HCN3: variants seen among roughly 807,000 people sequenced by gnomAD.
The protein encoded by HCN3 is potassium/sodium hyperpolarization-activated cyclic nucleotide-gated channel 3.
HCN3 carries 36 observed loss-of-function variants against 56.8 expected under a neutral mutation model. The observed-to-expected ratio is 0.63, with a 90% CI of 0.49 to 0.84. HCN3 has a LOEUF of 0.84. HCN3 is among the 40% of genes least tolerant of loss of function. The probability of loss-of-function intolerance (pLI) is 0.00; values close to 1 mark genes in which losing one functional copy is unlikely to be tolerated. For missense variants in HCN3, 930 were observed against 1,079.3 expected (o/e 0.86, Z 1.94); for synonymous variants, 425 against 439.7 (o/e 0.97, Z 0.42).
Position 155,287,903 on chromosome 1 carries a change from GCCCCGAGCA to G in HCN3, c.1767_1775del (p.Pro590_Thr592del). 6.2e-7 allele frequency: 1 copy of G among 1,613,992 alleles called. No individual in the cohort carries two copies. The highest frequency in any genetic ancestry group is 8.5e-7 in the Non-Finnish European group (1 of 1,180,016). On this transcript the variant is annotated inframe_deletion, in exon 8 of 8. Transcript: ENST00000368358. Reference sequence around the variant, plus strand: ...CATGGCTCGGGGTGTTCGGGGTCGGGCCCCGAGCACAGGAGCTCAGCTTAGTGGAAAGCC... The same window carrying G: ...CATGGCTCGGGGTGTTCGGGGTCGGGCAGGAGCTCAGCTTAGTGGAAAGCC...
rs1190446651 is a variant in HCN3, at chr1:155,285,330, T to C, written c.1236+19T>C. 6.2e-7 allele frequency: 1 copy of C among 1,612,762 alleles called. No individual in the cohort carries two copies. The highest frequency in any genetic ancestry group is 8.5e-7 in the Non-Finnish European group (1 of 1,179,232). On this transcript the variant is annotated intron_variant, in intron 5 of 7. Coordinates refer to ENST00000368358, the MANE Select transcript of HCN3 (RefSeq NM_020897.3). The surrounding 1 kb of genome is among the most constrained non-coding windows in gnomAD (Gnocchi z 4.5). ...TCGCGAGGTGGGGCTGGGTTGGGCC[T>C]GGAAGGGGGGCTCTTCAGGGACCTG...
At chr1:155,286,340 T>A (rs144035252) in intron 6 of HCN3, among the ~76,000 whole-genome samples, 3,424 of 152,040 alleles carry the variant, frequency 0.023, 132 homozygotes, top group African/African-American at 0.079. Flanking sequence ...AGAGACGGGG[T>A]TTCACTGTGT....
rs1009962601 is a variant in HCN3 at position 155,284,026 on chromosome 1, T to G, written c.761T>G (p.Leu254Arg). Residue 254 changes from leucine to arginine, a missense_variant, in exon 3 of 8, where the codon CTC (leucine) becomes CGC (arginine). Transcript: ENST00000368358. This position sits in a 1 kb window ranked among gnomAD's most constrained non-coding sequence, Gnocchi z 4.3. ...AGTGCTGTGGTTCGCATCTTCAACCTCATTGGGATGATGCTGCTGCTATGT... is the reference window on the plus strand; with the variant it reads ...AGTGCTGTGGTTCGCATCTTCAACCGCATTGGGATGATGCTGCTGCTATGT... ...LASAVVRIFN[L>R]IGMMLLLCHW... The G allele has an allele frequency of 1.2e-6, 2 of 1,614,020 alleles. No homozygotes were observed. The highest frequency in any genetic ancestry group is 8.5e-7 in the Non-Finnish European group (1 of 1,180,020).
chr1:155,284,509 C>A lies in HCN3; in HGVS notation c.871-30C>A. 1.3e-6 allele frequency: 2 copies of A among 1,589,220 alleles called. No individual in the cohort carries two copies. Among genetic ancestry groups the A allele is most frequent in the Non-Finnish European group, 1.7e-6 (2 of 1,162,596 alleles). ...AGAATGAGGCTCCGAGGGGCCCATG[C>A]CCAGCTCTGCAATATACTCTGCCCC... On this transcript the variant is annotated intron_variant, in intron 3 of 7. Coordinates refer to ENST00000368358, the MANE Select transcript of HCN3 (RefSeq NM_020897.3). The surrounding 1 kb of genome is among the most constrained non-coding windows in gnomAD (Gnocchi z 4.3).
Position 155,287,175 on chromosome 1 carries a change from A to T in HCN3, c.1480A>T (p.Ile494Phe). 6.2e-7 allele frequency: 1 copy of T among 1,612,580 alleles called. No individual in the cohort carries two copies. Among genetic ancestry groups the T allele is most frequent in the Non-Finnish European group, 8.5e-7 (1 of 1,179,912 alleles). ...RLTDGSYFGE[I>F]CLLTRGRRTA... ...AAGCTTCCTCCCAATTTCTGCAGAGATCTGCCTGCTAACTAGGGGCCGGCG... is the reference window on the plus strand; with the variant it reads ...AAGCTTCCTCCCAATTTCTGCAGAGTTCTGCCTGCTAACTAGGGGCCGGCG... The change falls in exon 7 of 8, where the codon ATC (isoleucine) becomes TTC (phenylalanine). Residue 494 changes from isoleucine to phenylalanine, a missense_variant and splice_region_variant. Ile to Phe is a conservative substitution (Grantham distance 21, BLOSUM62 0). Transcript: ENST00000368358.
At position 155,285,706 on chromosome 1, in the gene HCN3, G is replaced by A. The variant is rs1340858659; in HGVS notation, c.1237-18G>A. 2.5e-6 allele frequency: 4 copies of A among 1,613,174 alleles called. No homozygotes were observed. Among genetic ancestry groups the A allele is most frequent in the African/African-American group, 1.3e-5 (1 of 74,924 alleles). On this transcript the variant is annotated intron_variant, in intron 5 of 7. Transcript: ENST00000368358. The surrounding 1 kb of genome is among the most constrained non-coding windows in gnomAD (Gnocchi z 4.5). ...GGTCAGGGGCACAGCCTGCCTGACA[G>A]GCCCCTCCCCTGTCCAGGAGATCAT...
Position 155,288,530 on chromosome 1 carries a change from T to G in HCN3, c.*67T>G, listed in dbSNP as rs1043487365. Reference sequence around the variant, plus strand: ...GTATGTACCCAAGGGCAGATGCCTCTTGGGGAAGGCCATGGGGACCTGAAA... The same window carrying G: ...GTATGTACCCAAGGGCAGATGCCTCGTGGGGAAGGCCATGGGGACCTGAAA... On this transcript the variant is annotated 3_prime_UTR_variant, in exon 8 of 8. Coordinates refer to ENST00000368358, the MANE Select transcript of HCN3 (RefSeq NM_020897.3). This position sits in a 1 kb window ranked among gnomAD's most constrained non-coding sequence, Gnocchi z 6.5. 1 of 1,510,268 alleles carries G rather than the reference T, an allele frequency of 6.6e-7. No homozygotes were observed. 93.6% of individuals were successfully genotyped at this position (1,510,268 alleles called of 1,614,324 possible). A position where few individuals can be genotyped will look rare whatever the true frequency, so the allele number is the denominator to read the frequency against.
chr1:155,287,250 G>A lies in HCN3; in HGVS notation c.1555G>A (p.Val519Met), dbSNP rs1205907844. 7.4e-6 allele frequency: 12 copies of A among 1,614,012 alleles called. No individual in the cohort carries two copies. The highest frequency in any genetic ancestry group is 1.7e-5 in the Admixed American group (1 of 60,004). ...CTACTGCCGCCTTTACTCACTCAGC[G>A]TGGACCATTTCAATGCTGTGCTTGA... is the stretch of plus-strand genomic sequence containing the variant. ...DTYCRLYSLS[V>M]DHFNAVLEEF... is the part of the protein sequence containing the mutation. The change falls in exon 7 of 8, where the codon GTG (valine) becomes ATG (methionine). Residue 519 changes from valine to methionine, a missense_variant. By Grantham distance (21) the Val-to-Met change is conservative (BLOSUM62 1). Coordinates refer to ENST00000368358, the MANE Select transcript of HCN3 (RefSeq NM_020897.3).
Position 155,282,858 on chromosome 1 carries a change from C to T in HCN3, c.708+18C>T, listed in dbSNP as rs199853030. 397 of 295,138 alleles carry T rather than the reference C, an allele frequency of 1.3e-3. 3 individuals carry two copies. The highest frequency in any genetic ancestry group is 0.013 in the African/African-American group (285 of 21,426). The allele number at this position is 295,138 out of a possible 1,614,324, so 18.3% of individuals were successfully genotyped here. A position where few individuals can be genotyped will look rare whatever the true frequency, so the allele number is the denominator to read the frequency against. ...GGGAGGAGGTGGGGTGGGGAGATGG[C>T]GGGCGGGGCAGTGGGTGGGGGATGT... On this transcript the variant is annotated intron_variant, in intron 2 of 7. Transcript: ENST00000368358. The surrounding 1 kb of genome is among the most constrained non-coding windows in gnomAD (Gnocchi z 4.7).
intron 1 of HCN3, among the ~76,000 whole-genome samples, chr1:155,278,731 T>G (rs1253298181): frequency 6.6e-6 from 1 of 152,182 alleles, no homozygotes; most frequent in East Asian, 1.9e-4. Flanking sequence ...TGAATCCACA[T>G]ATATACACAC....
chr1:155,286,031 C>G (rs1294744772), intron 6 of HCN3, 67 bp downstream of exon 6: 1 of 1,521,928 alleles, frequency 6.6e-7, no homozygotes, highest in Non-Finnish European at 8.8e-7. Context: ...TGCTCCCAGG[C>G]TCTGGGTCCC....
At position 155,280,628 on chromosome 1, in the gene HCN3, T is replaced by C. The variant is rs549316954; in HGVS notation, c.279-1783T>C. 3.0e-3 allele frequency among the ~76,000 whole-genome samples: 450 copies of C among 150,306 alleles called. 2 individuals are homozygous for C. Among genetic ancestry groups the C allele is most frequent in the African/African-American group, 8.8e-3 (359 of 40,738 alleles). On this transcript the variant is annotated intron_variant, in intron 1 of 7. Transcript: ENST00000368358. ...ATTTTTTGTATTTTTTTAGTAGAGA[T>C]GGGGTTTCACCGTGTTAGCCAGGAT...
chr1:155,287,628 TC>T (rs1292219876), intron 7 of HCN3, among the ~76,000 whole-genome samples, 152 bp from the exon 8 acceptor site: 8 of 150,206 alleles, frequency 5.3e-5, no homozygotes, highest in African/African-American at 7.4e-5. Flanking sequence ...CCAACCCCCA[TC>T]TCAACCCCCA....
chr1:155,287,886 G>A lies in HCN3; in HGVS notation c.1748G>A (p.Arg583Gln), dbSNP rs776015753. The change falls in exon 8 of 8, where the codon CGG becomes CAG. Residue 583 changes from arginine to glutamine, a missense_variant. Physicochemically the swap from Arg to Gln is conservative, Grantham distance 43 (BLOSUM62 1). Transcript: ENST00000368358. ...GTGCAACATGACAGAGACATGGCTCGGGGTGTTCGGGGTCGGGCCCCGAGC... is the reference window on the plus strand; with the variant it reads ...GTGCAACATGACAGAGACATGGCTCAGGGTGTTCGGGGTCGGGCCCCGAGC... ...HLVQHDRDMA[R>Q]GVRGRAPSTG... The A allele has an allele frequency of 2.3e-5, 37 of 1,608,850 alleles. No individual in the cohort carries two copies. Among genetic ancestry groups the A allele is most frequent in the Non-Finnish European group, 2.8e-5 (33 of 1,178,428 alleles).
chr1:155,288,102 C>A lies in HCN3; in HGVS notation c.1964C>A (p.Ser655Tyr). 6.2e-7 allele frequency: 1 copy of A among 1,609,128 alleles called. No individual in the cohort carries two copies. Among genetic ancestry groups the A allele is most frequent in the Non-Finnish European group, 8.5e-7 (1 of 1,178,962 alleles). Residue 655 changes from serine (S) to tyrosine (Y), a missense_variant, in exon 8 of 8, where the codon TCC (serine) becomes TAC (tyrosine). Physicochemically the swap from Ser to Tyr is moderately radical, Grantham distance 144. Transcript: ENST00000368358. This position sits in a 1 kb window ranked among gnomAD's most constrained non-coding sequence, Gnocchi z 6.5. ...TGGCGCTCAGCAGGCTCTCCAGCTT[C>A]CCCGCTGGTGCCCGTCCGAGCTGGC... ...SAWRSAGSPA[S>Y]PLVPVRAGPW... is the part of the protein sequence containing the mutation.
At chr1:155,279,055 A>T (rs1673920119) in intron 1 of HCN3, among the ~76,000 whole-genome samples, 2 of 152,160 alleles carry the variant, frequency 1.3e-5, no homozygotes, top group African/African-American at 4.8e-5. Flanking sequence ...AGCCGAGGAG[A>T]GAAAAGAAGA....
At position 155,284,426 on chromosome 1, in the gene HCN3, G is replaced by C; in HGVS notation, c.871-113G>C. 1 of 1,193,736 alleles carries C rather than the reference G, an allele frequency of 8.4e-7. No homozygotes were observed. The highest frequency in any genetic ancestry group is 1.5e-5 in the South Asian group (1 of 65,104). The allele number at this position is 1,193,736 out of a possible 1,614,324, so 73.9% of individuals were successfully genotyped here. A position where few individuals can be genotyped will look rare whatever the true frequency, so the allele number is the denominator to read the frequency against. ...ACCAAACTTAAGTGCCTGCCAGGAG[G>C]AAGGCCTGCAGTAGAAGGGGCAGAC... is the stretch of plus-strand genomic sequence containing the variant. On this transcript the variant is annotated intron_variant, in intron 3 of 7. Coordinates refer to ENST00000368358, the MANE Select transcript of HCN3 (RefSeq NM_020897.3). This position sits in a 1 kb window ranked among gnomAD's most constrained non-coding sequence, Gnocchi z 4.3.
At position 155,288,752 on chromosome 1, in the gene HCN3, A is replaced by T. The variant is rs956853388; in HGVS notation, c.*289A>T. The T allele has an allele frequency of 4.7e-6, 2 of 426,286 alleles. No individual in the cohort carries two copies. The highest frequency in any genetic ancestry group is 8.3e-6 in the Non-Finnish European group (2 of 241,566). The allele number at this position is 426,286 out of a possible 1,614,324, so 26.4% of individuals were successfully genotyped here. ...ATGTCTCCACTGCCAAGTAGAAGTG[A>T]CTCAAAACCCTCTGACAAGGATATT... On this transcript the variant is annotated 3_prime_UTR_variant, in exon 8 of 8. Coordinates refer to ENST00000368358, the MANE Select transcript of HCN3 (RefSeq NM_020897.3). The surrounding 1 kb of genome is among the most constrained non-coding windows in gnomAD (Gnocchi z 6.5).
In HCN3 at chr1:155,289,257, C is replaced by A. The variant is rs1674429422; in HGVS notation, c.*794C>A. On this transcript the variant is annotated 3_prime_UTR_variant, in exon 8 of 8. Coordinates refer to ENST00000368358, the MANE Select transcript of HCN3 (RefSeq NM_020897.3). ...CCGGTGGAGGGGCAAATGGCTGAAT[C>A]CTTGTGTGATATTTTTTTCTTCGCT... 6.6e-6 allele frequency: 1 copy of A among 152,294 alleles called. No homozygotes were observed. The highest frequency in any genetic ancestry group is 1.5e-5 in the Non-Finnish European group (1 of 68,030). 9.4% of individuals were successfully genotyped at this position (152,294 alleles called of 1,614,324 possible). A position where few individuals can be genotyped will look rare whatever the true frequency, so the allele number is the denominator to read the frequency against.
Sources: allele counts gnomAD v4.1 joint callset (sites outside exome capture counted in the v4.1 genomes callset), GRCh38; gene constraint gnomAD v4.1.1; non-coding constraint Gnocchi (gnomAD v3.1); transcripts MANE v1.5; gene names NCBI Gene and HGNC (gene_info 2026-07-23, HGNC 2026-07-21).